The following ZNF730 variants were observed in gnomAD, a reference collection of about 807,000 sequenced individuals.
ZNF730 encodes putative zinc finger protein 730.
Under a neutral mutation model 12.6 loss-of-function variants are expected in ZNF730, and 12 were observed. That is an observed-to-expected ratio of 0.95 (90% CI 0.61 to 1.54). The LOEUF (loss-of-function observed/expected upper bound fraction) is 1.54, where lower values mean the gene tolerates loss of function less well. Among genes scored for constraint, ZNF730 ranks in the 40% most tolerant of loss-of-function variants. The probability of loss-of-function intolerance (pLI) is 0.00; values close to 1 mark genes in which losing one functional copy is unlikely to be tolerated. For missense variants in ZNF730, 643 were observed against 583.5 expected (o/e 1.10, Z -1.05); for synonymous variants, 194 against 195.8 (o/e 0.99, Z 0.08).
At chr19:23,122,104 T>TTA (rs1207712792) in intron 1 of ZNF730, among the ~76,000 whole-genome samples, 1 of 151,442 alleles carries the variant, frequency 6.6e-6, no homozygotes, top group African/African-American at 2.4e-5. Context: ...TTTTTAGTCT[T>TTA]TTAAAGTAGA....
chr19:23,092,185 C>T (rs1255859914), intron 1 of ZNF730, among the ~76,000 whole-genome samples: 1 of 152,110 alleles, frequency 6.6e-6, no homozygotes, highest in Non-Finnish European at 1.5e-5. Context: ...GGGCCTTTTG[C>T]CTCCCACCAT....
intron 1 of ZNF730, among the ~76,000 whole-genome samples, chr19:23,082,792 C>A (rs757394930): frequency 1.8e-4 from 27 of 152,082 alleles, no homozygotes; most frequent in Non-Finnish European, 3.4e-4. Context: ...ATCTCTGCCT[C>A]TTGGGTTCAG....
intron 1 of ZNF730, among the ~76,000 whole-genome samples, chr19:23,096,345 T>C (rs964974901): frequency 1.3e-5 from 2 of 152,180 alleles, no homozygotes; most frequent in African/African-American, 2.4e-5. Context: ...ATACATTGCT[T>C]ATTGACACAT....
intron 1 of ZNF730, among the ~76,000 whole-genome samples, chr19:23,080,785 A>G (rs546288710): frequency 6.7e-6 from 1 of 149,738 alleles, no homozygotes; most frequent in East Asian, 2.0e-4. Flanking sequence ...TTTTACAGTT[A>G]TAGATTTTAT....
At position 23,146,500 on chromosome 19, in the gene ZNF730, G is replaced by C. The variant is rs1971015836; in HGVS notation, c.1456G>C (p.Gly486Arg). The change falls in exon 4 of 4, where the codon GGT becomes CGT. Residue 486 changes from glycine to arginine, a missense_variant. Coordinates refer to ENST00000597761, the MANE Select transcript of ZNF730 (RefSeq NM_001277403.2). ...AAAAATCTACAAATGTAAAGAATGT[G>C]GTAAAGCCTTTAGGCGGTTCTCACA... Reference protein sequence around the residue: ...GEKIYKCKECGKAFRRFSHLT... With the variant: ...GEKIYKCKECRKAFRRFSHLT... 1.9e-6 allele frequency: 3 copies of C among 1,596,928 alleles called. No homozygotes were observed. The highest frequency in any genetic ancestry group is 1.3e-5 in the African/African-American group (1 of 74,326).
At chr19:23,132,723 A>G (rs942041233) in intron 1 of ZNF730, among the ~76,000 whole-genome samples, 24 of 152,180 alleles carry the variant, frequency 1.6e-4, no homozygotes, top group Admixed American at 5.2e-4. Flanking sequence ...CATCAGCTCT[A>G]TGTAGAGAAG....
chr19:23,119,924 CT>C (rs1052380324), intron 1 of ZNF730, among the ~76,000 whole-genome samples: 2 of 151,086 alleles, frequency 1.3e-5, no homozygotes, highest in African/African-American at 4.9e-5. Flanking sequence ...AGATATAATA[CT>C]TGTTTTTCTT....
chr19:23,141,496 G>C (rs1970919461), intron 3 of ZNF730, among the ~76,000 whole-genome samples: 1 of 152,144 alleles, frequency 6.6e-6, no homozygotes, highest in Non-Finnish European at 1.5e-5. Flanking sequence ...GAGCCTAAAA[G>C]TTTGACGTTG....
rs529594476 is a variant in ZNF730, at chr19:23,146,663, C to T, written c.*107C>T. On this transcript the variant is annotated 3_prime_UTR_variant, in exon 4 of 4. Transcript: ENST00000597761. ...TACAAATGTGAAGAATGTGGCAAAG[C>T]TTTTAACCAGTCCTCAAATCTTACT... The T allele has an allele frequency of 1.1e-5, 17 of 1,536,824 alleles. No homozygotes were observed. The highest frequency in any genetic ancestry group is 3.4e-4 in the Middle Eastern group (2 of 5,914).
In ZNF730 at chr19:23,126,732, GA is replaced by G. The variant is rs1970675185; in HGVS notation, c.4-7347del. 4 of 470,004 alleles carry G rather than the reference GA, an allele frequency of 8.5e-6. No homozygotes were observed. The Admixed American group carries it at 9.1e-5, about 11-fold the overall frequency. 29.1% of individuals were successfully genotyped at this position (470,004 alleles called of 1,614,324 possible). On this transcript the variant is annotated intron_variant, in intron 1 of 3. Coordinates refer to ENST00000597761, the MANE Select transcript of ZNF730 (RefSeq NM_001277403.2). Reference sequence around the variant, plus strand: ...TATAAGTTCTTGTTTTGCAGACTGAGATTTTTTTTTTTCAAATTTCTGACTA... The same window carrying G: ...TATAAGTTCTTGTTTTGCAGACTGAGTTTTTTTTTTTCAAATTTCTGACTA...
intron 1 of ZNF730, among the ~76,000 whole-genome samples, chr19:23,094,372 A>G (rs1040305853): frequency 2.8e-5 from 4 of 141,024 alleles, no homozygotes; most frequent in Admixed American, 6.9e-5. Flanking sequence ...CTATCTATCT[A>G]TCTATCTATC....
At chr19:23,089,289 C>T (rs942839992) in intron 1 of ZNF730, among the ~76,000 whole-genome samples, 7 of 149,330 alleles carry the variant, frequency 4.7e-5, no homozygotes, top group African/African-American at 1.7e-4. Flanking sequence ...TTCTGGCAAC[C>T]TTTGTCTCCT....
chr19:23,145,277 G>A lies in ZNF730; in HGVS notation c.233G>A (p.Cys78Tyr), dbSNP rs748930587. Residue 78 changes from cysteine (C) to tyrosine (Y), a missense_variant, in exon 4 of 4, where the codon TGT becomes TAT. Cys to Tyr is a radical substitution (Grantham distance 194). Transcript: ENST00000597761. ...TTATTTTTATTTCTTTCAGTTATAT[G>A]TTCTCATATTGCCCAAGACCTTTGG... ...HDMVAKPPVI[C>Y]SHIAQDLWPE... 2.0e-6 allele frequency: 3 copies of A among 1,522,348 alleles called. No individual in the cohort carries two copies. Among genetic ancestry groups the A allele is most frequent in the Non-Finnish European group, 2.6e-6 (3 of 1,139,490 alleles). The allele number at this position is 1,522,348 out of a possible 1,614,324, so 94.3% of individuals were successfully genotyped here. A position where few individuals can be genotyped will look rare whatever the true frequency, so the allele number is the denominator to read the frequency against.
At chr19:23,143,088 C>T (rs982606890) in intron 3 of ZNF730, among the ~76,000 whole-genome samples, 2 of 151,556 alleles carry the variant, frequency 1.3e-5, no homozygotes, top group African/African-American at 4.8e-5. Context: ...ACTAAAAACA[C>T]AAAAAATTAG....
rs150012270 is a variant in ZNF730 at position 23,082,150 on chromosome 19, T to C, written c.-94+6763T>C. The stretch of plus-strand genomic sequence containing the variant: ...CTCTTCTTCTTTAATTGTAACTTAA[T>C]ATTTGTTAAGTAACCTCTTCCCATC... On this transcript the variant is annotated intron_variant, in intron 1 of 2. Coordinates refer to the ZNF730 transcript ENST00000593635. Among the ~76,000 whole-genome samples the C allele has an allele frequency of 1.7e-4, 26 of 152,334 alleles. No individual in the cohort carries two copies. The East Asian group carries it at 5.0e-3, about 29-fold the overall frequency.
At chr19:23,099,688 G>A (rs567012789) in intron 1 of ZNF730, among the ~76,000 whole-genome samples, 2 of 152,240 alleles carry the variant, frequency 1.3e-5, no homozygotes, top group East Asian at 1.9e-4. Context: ...GTGACTTCTT[G>A]TACTTAGACC....
chr19:23,145,840 A>G lies in ZNF730; in HGVS notation c.796A>G (p.Asn266Asp), dbSNP rs942748880. 1.2e-6 allele frequency: 2 copies of G among 1,604,544 alleles called. No homozygotes were observed. The highest frequency in any genetic ancestry group is 1.7e-6 in the Non-Finnish European group (2 of 1,176,860). ...ATGTGAGAAATGTGGCAAATTTTTT[A>G]ACCAATCCACAAACCTTACTACACA... ...YQCEKCGKFF[N>D]QSTNLTTHKR... Residue 266 changes from asparagine to aspartate, a missense_variant, in exon 4 of 4, where the codon AAC becomes GAC. Coordinates refer to ENST00000597761, the MANE Select transcript of ZNF730 (RefSeq NM_001277403.2).
Position 23,146,704 on chromosome 19 carries a change from C to G in ZNF730, c.*148C>G, listed in dbSNP as rs541405031. Reference sequence around the variant, plus strand: ...AAATCTTACTAAACATAAGGTAATTCATACTGGAGAAAAACCTACAAATGT... The same window carrying G: ...AAATCTTACTAAACATAAGGTAATTGATACTGGAGAAAAACCTACAAATGT... On this transcript the variant is annotated 3_prime_UTR_variant, in exon 4 of 4. Coordinates refer to ENST00000597761, the MANE Select transcript of ZNF730 (RefSeq NM_001277403.2). 2.1e-6 allele frequency: 3 copies of G among 1,412,448 alleles called. No individual in the cohort carries two copies. The African/African-American group carries it at 4.2e-5, about 20-fold the overall frequency. 87.5% of individuals were successfully genotyped at this position (1,412,448 alleles called of 1,614,324 possible).
At chr19:23,120,566 A>G (rs1291751805) in intron 1 of ZNF730, among the ~76,000 whole-genome samples, 3 of 151,654 alleles carry the variant, frequency 2.0e-5, no homozygotes, top group East Asian at 3.9e-4. Context: ...TTCTTTTTTC[A>G]CTAATCTTAT....
Sources: gnomAD v4.1 joint callset for allele counts (sites outside exome capture counted in the v4.1 genomes callset) on GRCh38, gnomAD v4.1.1 for gene constraint, MANE v1.5 for transcripts, NCBI Gene and HGNC (gene_info 2026-07-23, HGNC 2026-07-21) for gene names.